Variants in ARL14EPL observed in about 807,000 individuals in gnomAD.
ARL14EPL encodes ARF like GTPase 14 effector protein like.
A neutral mutation model predicts 15.9 loss-of-function variants in ARL14EPL; 17 were observed. The ratio of observed to expected loss-of-function variants is 1.07; its 90% CI spans 0.73 to 1.60. The LOEUF is 1.60. ARL14EPL is among the 40% of genes most tolerant of loss of function. ARL14EPL has a pLI of 0.00. For synonymous variants in ARL14EPL, 78 were observed against 63.8 expected (o/e 1.22, Z -1.06); for missense variants, 214 against 185.9 (o/e 1.15, Z -0.88).
intron 1 of ARL14EPL, among the ~76,000 whole-genome samples, chr5:116,045,496 C>G (rs10478271): frequency 0.032 from 4,901 of 152,188 alleles, 110 homozygotes; most frequent in African/African-American, 0.071. Context: ...TATAATCCAA[C>G]AGATCCATAG....
At chr5:116,040,416 G>A (rs1749128053) in intron 1 of ARL14EPL, among the ~76,000 whole-genome samples, 1 of 151,468 alleles carries the variant, frequency 6.6e-6, no homozygotes, top group African/African-American at 2.4e-5. Context: ...CAGGAGTGAA[G>A]GGAAGGCATT....
intron 1 of ARL14EPL, among the ~76,000 whole-genome samples, chr5:116,038,093 GA>G (rs935211042): frequency 2.3e-4 from 34 of 150,950 alleles, no homozygotes; most frequent in South Asian, 4.2e-4. Flanking sequence ...GTTAGAACCT[GA>G]AAAAAAAAGT....
intron 2 of ARL14EPL, among the ~76,000 whole-genome samples, chr5:116,053,410 C>A (rs1749441097): frequency 6.6e-6 from 1 of 151,852 alleles, no homozygotes; most frequent in South Asian, 2.1e-4. Context: ...TGAAAATGTC[C>A]CCGTATGCCC....
chr5:116,056,759 T>A (rs1426761615), intron 3 of ARL14EPL, among the ~76,000 whole-genome samples: 1 of 152,228 alleles, frequency 6.6e-6, no homozygotes, highest in Non-Finnish European at 1.5e-5. Context: ...TAGGTTTTCT[T>A]CTAGGGTTTT....
rs867841874 is a variant in ARL14EPL at position 116,049,884 on chromosome 5, A to G, written c.-9-1573A>G. 5.3e-5 allele frequency among the ~76,000 whole-genome samples: 8 copies of G among 152,350 alleles called. No individual in the cohort carries two copies. In the South Asian group the frequency reaches 1.5e-3, roughly 28 times the overall value. On this transcript the variant is annotated intron_variant, in intron 1 of 3. Coordinates refer to ENST00000686077, the MANE Select transcript of ARL14EPL (RefSeq NM_001195581.2). ...CCCAAGTATTTACTTAACGCACCCAAAAAAATAAATTAAAATTCTCCAAAA... is the reference window on the plus strand; with the variant it reads ...CCCAAGTATTTACTTAACGCACCCAGAAAAATAAATTAAAATTCTCCAAAA...
intron 1 of ARL14EPL, among the ~76,000 whole-genome samples, chr5:116,045,410 C>T (rs1749245139): frequency 1.3e-5 from 2 of 152,152 alleles, no homozygotes; most frequent in African/African-American, 4.8e-5. Context: ...CTTTTCCACT[C>T]TCCATTGGTG....
chr5:116,054,204 A>C, intron 3 of ARL14EPL, 51 bp downstream of exon 3: 1 of 1,474,988 alleles, frequency 6.8e-7, no homozygotes. Context: ...AAATGCATGA[A>C]TTCTCCTTGA....
chr5:116,045,237 A>C (rs1000049300), intron 1 of ARL14EPL, among the ~76,000 whole-genome samples: 3 of 152,210 alleles, frequency 2.0e-5, no homozygotes, highest in African/African-American at 7.2e-5. Flanking sequence ...AAAAACTAAG[A>C]AATGAGCATA....
chr5:116,054,736 C>T (rs547587387), intron 3 of ARL14EPL, among the ~76,000 whole-genome samples: 1 of 152,162 alleles, frequency 6.6e-6, no homozygotes, highest in Non-Finnish European at 1.5e-5. Flanking sequence ...GAGGCTGAGG[C>T]AGGTGAATCG....
chr5:116,053,614 G>A (rs554356545), intron 2 of ARL14EPL, among the ~76,000 whole-genome samples: 1 of 152,246 alleles, frequency 6.6e-6, no homozygotes, highest in South Asian at 2.1e-4. Context: ...TGTGGTTTGA[G>A]ACACTACATG....
intron 1 of ARL14EPL, among the ~76,000 whole-genome samples, chr5:116,039,965 T>C (rs929342205): frequency 3.9e-5 from 6 of 152,214 alleles, no homozygotes; most frequent in African/African-American, 1.4e-4. Context: ...TGTGTATTGA[T>C]CTTCCTTCTT....
At chr5:116,052,356 T>A in intron 2 of ARL14EPL, 1 of 832,740 alleles carries the variant, frequency 1.2e-6, no homozygotes, top group East Asian at 2.4e-5. Context: ...TACAAATGTT[T>A]TTATTTAATG....
chr5:116,044,876 A>G (rs17138716), intron 1 of ARL14EPL, among the ~76,000 whole-genome samples: 3,772 of 152,272 alleles, frequency 0.025, 179 homozygotes, highest in African/African-American at 0.085. Flanking sequence ...CAGCAAAACA[A>G]AGGAAAGAAG....
intron 3 of ARL14EPL, among the ~76,000 whole-genome samples, chr5:116,056,161 G>A (rs1428456592): frequency 2.0e-5 from 3 of 151,798 alleles, no homozygotes; most frequent in South Asian, 2.1e-4. Context: ...GGGTATATAT[G>A]CAGTAATGGG....
At chr5:116,043,523 G>A (rs1261098876) in intron 1 of ARL14EPL, among the ~76,000 whole-genome samples, 1 of 151,998 alleles carries the variant, frequency 6.6e-6, no homozygotes, top group African/African-American at 2.4e-5. Context: ...CTTTTAAAAG[G>A]AAATTATCTT....
intron 3 of ARL14EPL, among the ~76,000 whole-genome samples, chr5:116,057,211 G>A (rs184234753): frequency 3.4e-4 from 52 of 152,150 alleles, no homozygotes; most frequent in African/African-American, 1.1e-3. Flanking sequence ...AAAGGCCTTC[G>A]GAAGTGACTT....
Position 116,058,771 on chromosome 5 carries a change from G to A in ARL14EPL, c.283G>A (p.Ala95Thr), listed in dbSNP as rs376572914. The change falls in exon 4 of 4, where the codon GCT becomes ACT. Residue 95 changes from alanine to threonine, a missense_variant. Coordinates refer to ENST00000686077, the MANE Select transcript of ARL14EPL (RefSeq NM_001195581.2). The part of the protein sequence containing the change: ...DKSGRLICND[A>T]DLCDCLEKNC... Reference sequence around the variant, plus strand: ...AAGTGGCAGGCTCATCTGTAATGACGCTGATCTGTGTGATTGTCTAGAGAA... The same window carrying A: ...AAGTGGCAGGCTCATCTGTAATGACACTGATCTGTGTGATTGTCTAGAGAA... The A allele has an allele frequency of 2.5e-5, 39 of 1,535,572 alleles. No individual in the cohort carries two copies. The South Asian group carries it at 3.3e-4, about 13-fold the overall frequency.
chr5:116,054,476 G>A (rs1031890512), intron 3 of ARL14EPL, among the ~76,000 whole-genome samples: 1 of 152,286 alleles, frequency 6.6e-6, no homozygotes, highest in African/African-American at 2.4e-5. Flanking sequence ...ATGAACTCAG[G>A]ATATTAAATG....
rs541153925 is a variant in ARL14EPL at position 116,055,569 on chromosome 5, A to G, written c.236+1416A>G. The stretch of plus-strand genomic sequence containing the variant: ...AGCAAATTACAAAAGGAAAATCACA[A>G]TATGTTTAGGGATACCTACATATGT... On this transcript the variant is annotated intron_variant, in intron 3 of 3. Coordinates refer to ENST00000686077, the MANE Select transcript of ARL14EPL (RefSeq NM_001195581.2). Among the ~76,000 whole-genome samples the G allele has an allele frequency of 3.3e-5, 5 of 152,040 alleles. No individual in the cohort carries two copies. In the East Asian group the frequency reaches 7.7e-4, roughly 23 times the overall value.
Sources: gnomAD v4.1 joint callset for allele counts (sites outside exome capture counted in the v4.1 genomes callset) on GRCh38, gnomAD v4.1.1 for gene constraint, MANE v1.5 for transcripts, NCBI Gene and HGNC (gene_info 2026-07-23, HGNC 2026-07-21) for gene names.